Variants in ANKRD17 observed in about 807,000 individuals in gnomAD.
ANKRD17 encodes the protein ankyrin repeat domain-containing protein 17.
A neutral mutation model predicts 229.7 loss-of-function variants in ANKRD17; 19 were observed. That is an observed-to-expected ratio of 0.08 (90% CI 0.06 to 0.12). The LOEUF is 0.12. Among genes scored for constraint, ANKRD17 ranks in the 10% least tolerant of loss-of-function variants. ANKRD17 has a pLI of 1.00. For synonymous variants in ANKRD17, 1,112 were observed against 1,146.1 expected (o/e 0.97, Z 0.60); for missense variants, 2,176 against 3,176.8 (o/e 0.68, Z 7.57).
chr4:73,112,837 G>C, intron 24 of ANKRD17: 1 of 440,038 alleles, frequency 2.3e-6, no homozygotes, highest in Non-Finnish European at 3.0e-6. Context: ...GCCCAGGCTG[G>C]AGTGCAGTGG....
chr4:73,132,392 A>G (rs1728336242), intron 16 of ANKRD17, among the ~76,000 whole-genome samples: 1 of 152,196 alleles, frequency 6.6e-6, no homozygotes, highest in African/African-American at 2.4e-5. Flanking sequence ...TACAGGCGTG[A>G]GCCACCACAC....
chr4:73,252,183 T>C (rs1055359270), intron 1 of ANKRD17, among the ~76,000 whole-genome samples: 2 of 152,246 alleles, frequency 1.3e-5, no homozygotes, highest in Admixed American at 6.5e-5. Flanking sequence ...CACATGGTAC[T>C]GTATAGCAGG....
At chr4:73,204,156 A>G (rs1385995493) in intron 1 of ANKRD17, among the ~76,000 whole-genome samples, 2 of 151,992 alleles carry the variant, frequency 1.3e-5, no homozygotes, top group Non-Finnish European at 2.9e-5. Context: ...CAGGTCACTG[A>G]GACCATCCTG....
intron 14 of ANKRD17, among the ~76,000 whole-genome samples, chr4:73,140,766 TAAG>T (rs1729497439): frequency 6.6e-6 from 1 of 152,138 alleles, no homozygotes; most frequent in Admixed American, 6.5e-5. Flanking sequence ...CCCAAACCAC[TAAG>T]AAGTAACAAG....
chr4:73,147,467 AT>A (rs1560595527), intron 8 of ANKRD17, 35 bp from the exon 9 acceptor site: 1 of 1,415,488 alleles, frequency 7.1e-7, no homozygotes. Context: ...AAAGAAAGTC[AT>A]TAACTTATTC....
Position 73,151,521 on chromosome 4 carries a change from T to C in ANKRD17, c.1238A>G (p.His413Arg). Residue 413 changes from histidine to arginine, a missense_variant, in exon 7 of 34, where the codon CAC becomes CGC. By Grantham distance (29) the His-to-Arg change is conservative (BLOSUM62 0). Transcript: ENST00000358602. ...SALTLACYKG[H>R]LEMVRFLLEA... ...CAAAAGAAATCGCACCATCTCTAAG[T>C]GTCCTAAACCAAAAGTGTACAAGAT... The C allele has an allele frequency of 1.3e-6, 2 of 1,587,464 alleles. No homozygotes were observed. Among genetic ancestry groups the C allele is most frequent in the Non-Finnish European group, 1.7e-6 (2 of 1,166,922 alleles).
intron 8 of ANKRD17, 78 bp downstream of exon 8, chr4:73,148,735 T>G (rs559558761): frequency 1.5e-4 from 196 of 1,318,034 alleles, no homozygotes; most frequent in Non-Finnish European, 2.0e-4. Flanking sequence ...AAAGGTGAAA[T>G]ACTAAAATCC....
intron 16 of ANKRD17, among the ~76,000 whole-genome samples, chr4:73,128,149 T>C (rs1255518280): frequency 6.6e-6 from 1 of 152,230 alleles, no homozygotes; most frequent in African/African-American, 2.4e-5. Context: ...TTATATCTGA[T>C]TTCAGAGAAA....
chr4:73,088,724 CT>C (rs1722464456), intron 29 of ANKRD17, among the ~76,000 whole-genome samples: 1 of 152,086 alleles, frequency 6.6e-6, no homozygotes, highest in Non-Finnish European at 1.5e-5. Context: ...TACTGACCAC[CT>C]TCATTAAATT....
At chr4:73,108,781 CA>C (rs1724948112) in intron 24 of ANKRD17, among the ~76,000 whole-genome samples, 1 of 151,880 alleles carries the variant, frequency 6.6e-6, no homozygotes, top group Non-Finnish European at 1.5e-5. Flanking sequence ...ATCTTTACCG[CA>C]AAGGGAGGCA....
At position 73,139,770 on chromosome 4, in the gene ANKRD17, C is replaced by A. The variant is rs775339563; in HGVS notation, c.2846G>T (p.Gly949Val). The A allele has an allele frequency of 6.2e-7, 1 of 1,614,198 alleles. No homozygotes were observed. The highest frequency in any genetic ancestry group is 8.5e-7 in the Non-Finnish European group (1 of 1,180,030). ...DEPQQTAAQM[G>V]FAPIQPLAMP... ...CGCCAGAGGCTGGATTGGCGCAAAA[C>A]CCATCTGAGCAGCAGTCTGCTGGGG... The change falls in exon 15 of 34, where the codon GGT becomes GTT. Residue 949 changes from glycine (G) to valine (V), a missense_variant. Around this residue, in one of 18 missense-constraint regions of ANKRD17, gnomAD observed 230 missense variants for 252.3 expected, o/e 0.91. Coordinates refer to ENST00000358602, the MANE Select transcript of ANKRD17 (RefSeq NM_032217.5).
intron 1 of ANKRD17, among the ~76,000 whole-genome samples, chr4:73,193,681 G>A (rs941906504): frequency 6.6e-6 from 1 of 152,032 alleles, no homozygotes; most frequent in African/African-American, 2.4e-5. Flanking sequence ...ATCTGCAATT[G>A]GAGCACTTTG....
intron 30 of ANKRD17, among the ~76,000 whole-genome samples, chr4:73,079,744 G>A (rs746887867): frequency 1.3e-5 from 2 of 152,070 alleles, no homozygotes; most frequent in Non-Finnish European, 2.9e-5. Context: ...CTTGATTTGA[G>A]ACTATTCATT....
chr4:73,123,764 A>C (rs956707753), intron 18 of ANKRD17, among the ~76,000 whole-genome samples: 2 of 151,910 alleles, frequency 1.3e-5, no homozygotes, highest in Non-Finnish European at 2.9e-5. Flanking sequence ...GGTTTAACTA[A>C]CTAGAGCTCA....
chr4:73,103,567 T>C (rs1724251920), intron 24 of ANKRD17, among the ~76,000 whole-genome samples: 1 of 152,192 alleles, frequency 6.6e-6, no homozygotes, highest in Non-Finnish European at 1.5e-5. Context: ...TCAAACTCTG[T>C]CTGCATGTCA....
At chr4:73,171,820 G>A (rs565694289) in intron 2 of ANKRD17, among the ~76,000 whole-genome samples, 46 of 152,172 alleles carry the variant, frequency 3.0e-4, no homozygotes, top group Non-Finnish European at 5.7e-4. Context: ...TGATCAAGCG[G>A]AAGAAAGAAT....
Position 73,147,305 on chromosome 4 carries a change from A to G in ANKRD17, c.1695T>C (p.Ser565=), listed in dbSNP as rs370646965. 3 of 1,607,588 alleles carry G rather than the reference A, an allele frequency of 1.9e-6. No homozygotes were observed. Among genetic ancestry groups the G allele is most frequent in the South Asian group, 2.2e-5 (2 of 90,124 alleles). The change falls in exon 9 of 34, where the codon TCT becomes TCC. Residue 565 remains serine (S), a synonymous_variant. Transcript: ENST00000358602. ...CTTGAGCAGCTTCCATTAAAGGGGT[A>G]GAACACCCTAGTTCTATATCGGCTC... ...KAGADIELGC[S]TPLMEAAQEG...
At chr4:73,243,396 G>A (rs561793948) in intron 1 of ANKRD17, among the ~76,000 whole-genome samples, 7 of 152,346 alleles carry the variant, frequency 4.6e-5, no homozygotes, top group South Asian at 2.1e-4. Context: ...GGGTTAAGGC[G>A]ATGGTAGTGG....
In ANKRD17 at chr4:73,258,239, C is replaced by T. The variant is rs945727314; in HGVS notation, c.393+37G>A. ...ACCTTCGGCCCCTATCCCTTACAGT[C>T]CCTTCCTCCCTCCTTCCTTTGAAAC... On this transcript the variant is annotated intron_variant, in intron 1 of 33. Coordinates refer to ENST00000358602, the MANE Select transcript of ANKRD17 (RefSeq NM_032217.5). 6 of 1,612,942 alleles carry T rather than the reference C, an allele frequency of 3.7e-6. No individual in the cohort carries two copies. In the African/African-American group the frequency reaches 6.7e-5, roughly 18 times the overall value.
Sources: gnomAD v4.1 joint callset for allele counts (sites outside exome capture counted in the v4.1 genomes callset) on GRCh38, gnomAD v4.1.1 for gene constraint, gnomAD v4.1.1 regional missense constraint, MANE v1.5 for transcripts, NCBI Gene and HGNC (gene_info 2026-07-23, HGNC 2026-07-21) for gene names.